Variants in RPA1 observed in about 807,000 individuals in gnomAD.
RPA1 encodes replication protein A1, also known as replication protein A 70 kDa DNA-binding subunit.
RPA1 carries 49 observed loss-of-function variants against 83.0 expected under a neutral mutation model. The observed-to-expected ratio is 0.59, with a 90% confidence interval of 0.47 to 0.75. The LOEUF (loss-of-function observed/expected upper bound fraction) is 0.75, where lower values mean the gene tolerates loss of function less well. Ranked by LOEUF, RPA1 falls within the 30% of genes least tolerant of loss-of-function variation. The pLI is 0.00. For synonymous variants in RPA1, 279 were observed against 281.8 expected (o/e 0.99, Z 0.10); for missense variants, 693 against 776.1 (o/e 0.89, Z 1.27).
intron 14 of RPA1, among the ~76,000 whole-genome samples, chr17:1,889,201 A>G (rs879297028): frequency 6.6e-6 from 1 of 152,190 alleles, no homozygotes; most frequent in Non-Finnish European, 1.5e-5. Context: ...TCTATTCTCT[A>G]GCTTTAGTAT....
intron 5 of RPA1, among the ~76,000 whole-genome samples, chr17:1,864,101 A>G (rs1415267176): frequency 6.6e-6 from 1 of 152,222 alleles, no homozygotes; most frequent in Non-Finnish European, 1.5e-5. Context: ...CTCCTTCCCA[A>G]ATGATTTCTC....
intron 13 of RPA1, among the ~76,000 whole-genome samples, chr17:1,887,799 G>C (rs576756747): frequency 6.6e-6 from 1 of 151,990 alleles, no homozygotes; most frequent in African/African-American, 2.4e-5. Flanking sequence ...TGAGGCAGGA[G>C]AATCACTTGA....
Position 1,888,762 on chromosome 17 carries a change from A to G in RPA1, c.1462A>G (p.Lys488Glu). ...AGCCTGCCCGACTCAGGACTGCAAT[A>G]AGAAAGTGATTGATCAACAGAATGG... ...YQACPTQDCN[K>E]KVIDQQNGLY... The change falls in exon 14 of 17, where the codon AAG becomes GAG. Residue 488 changes from lysine (K) to glutamate (E), a missense_variant. Lys to Glu is a moderately conservative substitution (Grantham distance 56). Transcript: ENST00000254719. The G allele has an allele frequency of 6.2e-7, 1 of 1,614,206 alleles. No individual in the cohort carries two copies. The highest frequency in any genetic ancestry group is 8.5e-7 in the Non-Finnish European group (1 of 1,180,042).
rs1914214430 is a variant in RPA1 at position 1,891,824 on chromosome 17, G to C, written c.1552-9G>C. 6.5e-7 allele frequency: 1 copy of C among 1,536,302 alleles called. No individual in the cohort carries two copies. Among genetic ancestry groups the C allele is most frequent in the Admixed American group, 1.7e-5 (1 of 57,388 alleles). On this transcript the variant is annotated splice_polypyrimidine_tract_variant and intron_variant, in intron 14 of 16. Transcript: ENST00000254719. ...CTTTGCTGAAATAATGTAGAATTGT[G>C]TTTTTTAGGTAAATATTGCAGATTT...
intron 1 of RPA1, among the ~76,000 whole-genome samples, chr17:1,837,196 T>C (rs1407033294): frequency 6.6e-6 from 1 of 152,088 alleles, no homozygotes; most frequent in East Asian, 1.9e-4. Flanking sequence ...CTTGAACTCC[T>C]GGGCTCAAGT....
chr17:1,870,854 T>C lies in RPA1; in HGVS notation c.362-1580T>C, dbSNP rs899763057. Among the ~76,000 whole-genome samples the C allele has an allele frequency of 2.6e-5, 4 of 152,206 alleles. No homozygotes were observed. In the South Asian group the frequency reaches 8.3e-4, roughly 32 times the overall value. On this transcript the variant is annotated intron_variant, in intron 5 of 16. Transcript: ENST00000254719. ...GAGATGATAGAAGAGAGGGAGGAAGTCGGAGGGAGTGTAGCAGGGGCTTAT... is the reference window on the plus strand; with the variant it reads ...GAGATGATAGAAGAGAGGGAGGAAGCCGGAGGGAGTGTAGCAGGGGCTTAT...
In RPA1 at chr17:1,830,036, C is replaced by G. The variant is rs1350544663; in HGVS notation, c.-58C>G. The G allele has an allele frequency of 1.6e-6, 2 of 1,245,234 alleles. No homozygotes were observed. The highest frequency in any genetic ancestry group is 2.0e-6 in the Non-Finnish European group (2 of 985,192). The allele number at this position is 1,245,234 out of a possible 1,614,324, so 77.1% of individuals were successfully genotyped here. A position where few individuals can be genotyped will look rare whatever the true frequency, so the allele number is the denominator to read the frequency against. ...CCAATAACTGCGCAGCGCGCGGGAC[C>G]CGGGTGGGGAAGCTGGAGCTGTTGC... On this transcript the variant is annotated 5_prime_UTR_variant, in exon 1 of 17. Transcript: ENST00000254719.
intron 5 of RPA1, chr17:1,858,406 A>G: frequency 6.3e-7 from 1 of 1,585,340 alleles, no homozygotes; most frequent in Non-Finnish European, 8.7e-7. Flanking sequence ...GTGGGCTCGG[A>G]GGCAATGACG....
chr17:1,861,825 G>A (rs774850520), intron 5 of RPA1, among the ~76,000 whole-genome samples: 4 of 151,946 alleles, frequency 2.6e-5, no homozygotes, highest in Non-Finnish European at 5.9e-5. Context: ...CTGGACTCAA[G>A]CAATCCTCCT....
At chr17:1,893,934 C>T (rs903138662) in intron 15 of RPA1, among the ~76,000 whole-genome samples, 6 of 151,902 alleles carry the variant, frequency 3.9e-5, no homozygotes, top group African/African-American at 1.5e-4. Flanking sequence ...GATCATGGCT[C>T]ACTGCAGCTT....
intron 14 of RPA1, among the ~76,000 whole-genome samples, chr17:1,891,217 G>A (rs1914189380): frequency 6.6e-6 from 1 of 152,184 alleles, no homozygotes; most frequent in Non-Finnish European, 1.5e-5. Context: ...CCACAGCCCA[G>A]TGGGAGACAT....
chr17:1,859,998 A>C (rs769141325), intron 5 of RPA1, among the ~76,000 whole-genome samples: 31 of 152,172 alleles, frequency 2.0e-4, no homozygotes, highest in Admixed American at 4.6e-4. Flanking sequence ...TTTTTAGTAG[A>C]GATAGGGTTT....
intron 1 of RPA1, among the ~76,000 whole-genome samples, chr17:1,835,772 G>A (rs1243196181): frequency 5.9e-5 from 9 of 151,890 alleles, no homozygotes; most frequent in African/African-American, 1.9e-4. Flanking sequence ...CACATTTTTC[G>A]TGTACTTTTT....
intron 1 of RPA1, among the ~76,000 whole-genome samples, chr17:1,835,227 C>T (rs1911768160): frequency 6.6e-6 from 1 of 152,094 alleles, no homozygotes; most frequent in Non-Finnish European, 1.5e-5. Context: ...TAGCTCACTG[C>T]AACCTCCAAC....
rs1487573955 is a variant in RPA1 at position 1,875,731 on chromosome 17, C to T, written c.525C>T (p.His175=). Residue 175 remains histidine (H), a synonymous_variant, in exon 7 of 17, where the codon CAC becomes CAT. Transcript: ENST00000254719. ...FGKAAGPSLS[H]TSGGTQSKVV... ...AAGCTGCAGGTCCCAGCCTGTCACA[C>T]ACTTCTGGGGGAACACAGTCCAAAG... 1 of 1,614,078 alleles carries T rather than the reference C, an allele frequency of 6.2e-7. No individual in the cohort carries two copies. The highest frequency in any genetic ancestry group is 2.2e-5 in the East Asian group (1 of 44,900).
chr17:1,895,198 C>T (rs893984641), intron 16 of RPA1, 103 bp downstream of exon 16: 105 of 856,664 alleles, frequency 1.2e-4, no homozygotes, highest in Admixed American at 3.5e-4. Context: ...GTACTCACTG[C>T]CAGACCCCGG....
At chr17:1,844,733 C>T (rs759356600) in intron 4 of RPA1, 47 bp downstream of exon 4, 129 of 1,441,756 alleles carry the variant, frequency 8.9e-5, no homozygotes, top group Non-Finnish European at 1.1e-4. Context: ...AGAATGGGAA[C>T]AAATTTAGGA....
chr17:1,879,768 A>G (rs553247177), intron 11 of RPA1, 69 bp downstream of exon 11: 2 of 1,589,474 alleles, frequency 1.3e-6, no homozygotes, highest in Admixed American at 1.7e-5. Flanking sequence ...CTTGTCCTAT[A>G]GGATGGGGCC....
chr17:1,879,826 T>C (rs1913715155), intron 11 of RPA1, 127 bp downstream of exon 11: 1 of 1,216,988 alleles, frequency 8.2e-7, no homozygotes, highest in Non-Finnish European at 1.2e-6. Flanking sequence ...GGGAGTGGTC[T>C]TATCCTATAG....
Sources: allele counts gnomAD v4.1 joint callset (sites outside exome capture counted in the v4.1 genomes callset), GRCh38; gene constraint gnomAD v4.1.1; transcripts MANE v1.5; gene names NCBI Gene and HGNC (gene_info 2026-07-23, HGNC 2026-07-21).